The following DCC variants were observed in gnomAD, a reference collection of about 807,000 sequenced individuals.
DCC encodes DCC netrin 1 receptor.
Under a neutral mutation model 172.5 loss-of-function variants are expected in DCC, and 58 were observed. The ratio of observed to expected loss-of-function variants is 0.34; its 90% confidence interval spans 0.27 to 0.42. DCC has a LOEUF of 0.42. Among genes scored for constraint, DCC ranks in the 10% least tolerant of loss-of-function variants. The pLI, the probability that DCC is intolerant of heterozygous loss-of-function variation, is 1.00. For synonymous variants in DCC, 709 were observed against 644.5 expected (o/e 1.10, Z -1.52); for missense variants, 1,740 against 1,791.0 (o/e 0.97, Z 0.51).
chr18:53,530,360 G>A (rs2046511945), intron 28 of DCC: 1 of 703,242 alleles, frequency 1.4e-6, no homozygotes, highest in Non-Finnish European at 2.6e-6. Flanking sequence ...GAGATGGAGT[G>A]GGTGAAACAA....
chr18:52,969,643 C>G (rs2040997427), intron 5 of DCC, among the ~76,000 whole-genome samples: 1 of 149,748 alleles, frequency 6.7e-6, no homozygotes, highest in Non-Finnish European at 1.5e-5. Context: ...CTCTGTGTCT[C>G]TCTCTCTCTT....
At chr18:52,723,329 A>G (rs562351193) in intron 1 of DCC, among the ~76,000 whole-genome samples, 2 of 152,222 alleles carry the variant, frequency 1.3e-5, no homozygotes, top group African/African-American at 4.8e-5. Context: ...CAACACAAAA[A>G]CCATTCAGAC....
chr18:53,042,824 G>A (rs780506287), intron 5 of DCC, among the ~76,000 whole-genome samples: 9 of 151,926 alleles, frequency 5.9e-5, no homozygotes, highest in Non-Finnish European at 1.0e-4. Context: ...TGCTGGAGAA[G>A]ATGTGGAGAA....
chr18:52,806,146 T>C (rs2038079660), intron 2 of DCC, among the ~76,000 whole-genome samples: 1 of 152,246 alleles, frequency 6.6e-6, no homozygotes, highest in Non-Finnish European at 1.5e-5. Context: ...ATCATTTCTG[T>C]ATCTTATTTG....
rs960770291 is a variant in DCC at position 53,421,956 on chromosome 18, GAGAC to G, written c.3163+5804_3163+5807del. On this transcript the variant is annotated intron_variant, in intron 21 of 28. Coordinates refer to ENST00000442544, the MANE Select transcript of DCC (RefSeq NM_005215.4). ...TAGCACCCTTACAGATGTAGAAAAA[GAGAC>G]AGAGAGGTTAAAACTTGCCCAAACA... is the stretch of plus-strand genomic sequence containing the variant. Among the ~76,000 whole-genome samples, 11 of 152,270 alleles carry G rather than the reference GAGAC, an allele frequency of 7.2e-5. 1 individual carries two copies. The highest frequency in any genetic ancestry group is 2.6e-4 in the African/African-American group (11 of 41,554).
chr18:53,090,718 A>AAAAAAAAAAAAAAAAAC (rs2042993367), intron 7 of DCC, among the ~76,000 whole-genome samples: 2 of 131,842 alleles, frequency 1.5e-5, no homozygotes, highest in African/African-American at 2.9e-5. Context: ...AAAAAAAAAA[A>AAAAAAAAAAAAAAAAAC]AAAAAAAAAA....
chr18:53,103,258 A>G (rs896552358), intron 7 of DCC, among the ~76,000 whole-genome samples: 2 of 152,116 alleles, frequency 1.3e-5, no homozygotes, highest in African/African-American at 4.8e-5. Context: ...GAACCAGGGT[A>G]CATACTCTGT....
intron 21 of DCC, among the ~76,000 whole-genome samples, chr18:53,421,094 C>T (rs762650621): frequency 1.3e-5 from 2 of 152,162 alleles, no homozygotes; most frequent in Non-Finnish European, 2.9e-5. Flanking sequence ...TGGAGGTTAG[C>T]TGTAACTCTG....
intron 1 of DCC, among the ~76,000 whole-genome samples, chr18:52,476,421 C>T (rs746453369): frequency 5.9e-5 from 9 of 152,066 alleles, no homozygotes; most frequent in Non-Finnish European, 1.2e-4. Context: ...CTGTCTGAGC[C>T]GAAGGCAGTA....
chr18:53,228,087 A>G (rs2056063199), intron 12 of DCC, among the ~76,000 whole-genome samples: 1 of 152,174 alleles, frequency 6.6e-6, no homozygotes, highest in African/African-American at 2.4e-5. Context: ...CTACAGTATC[A>G]ACATGTATTT....
intron 1 of DCC, among the ~76,000 whole-genome samples, chr18:52,599,304 C>T (rs554455728): frequency 8.5e-5 from 13 of 152,054 alleles, no homozygotes; most frequent in Middle Eastern, 6.8e-3. Context: ...AACCAGGGGT[C>T]GAAAAACCTT....
intron 1 of DCC, among the ~76,000 whole-genome samples, chr18:52,670,115 G>A (rs544021044): frequency 6.6e-6 from 1 of 152,342 alleles, no homozygotes; most frequent in East Asian, 1.9e-4. Flanking sequence ...TGGACAAAAT[G>A]ACCAAGATGA....
At chr18:53,075,296 A>C (rs1248949869) in intron 7 of DCC, among the ~76,000 whole-genome samples, 1 of 152,206 alleles carries the variant, frequency 6.6e-6, no homozygotes, top group Admixed American at 6.5e-5. Flanking sequence ...GAGGTTTCTC[A>C]GCAAATAAAG....
chr18:52,706,269 T>C (rs1415567852), intron 1 of DCC, among the ~76,000 whole-genome samples: 1 of 152,224 alleles, frequency 6.6e-6, no homozygotes, highest in African/African-American at 2.4e-5. Context: ...AGCCAGATAT[T>C]TCTGGGTCAG....
intron 5 of DCC, among the ~76,000 whole-genome samples, chr18:52,990,553 A>C (rs112579190): frequency 0.16 from 24,197 of 147,026 alleles, 2,831 homozygotes; most frequent in African/African-American, 0.26. Context: ...AAAAAAAAAA[A>C]AAAAAAAAAA....
intron 1 of DCC, among the ~76,000 whole-genome samples, chr18:52,577,887 G>C (rs1365317152): frequency 2.0e-5 from 3 of 152,228 alleles, no homozygotes; most frequent in Non-Finnish European, 4.4e-5. Flanking sequence ...TAGTTGGACA[G>C]CGATTTAGTG....
chr18:53,089,796 A>T (rs2042976591), intron 7 of DCC, among the ~76,000 whole-genome samples: 1 of 152,172 alleles, frequency 6.6e-6, no homozygotes, highest in Non-Finnish European at 1.5e-5. Flanking sequence ...TTGTTTCATT[A>T]TCTCAATTTT....
intron 23 of DCC, among the ~76,000 whole-genome samples, chr18:53,451,501 C>T (rs1215328818): frequency 5.3e-5 from 8 of 152,168 alleles, no homozygotes; most frequent in Non-Finnish European, 1.2e-4. Flanking sequence ...CAGCTACACT[C>T]TCTCACTGAG....
intron 1 of DCC, among the ~76,000 whole-genome samples, chr18:52,549,278 T>C (rs940428919): frequency 1.3e-5 from 2 of 152,054 alleles, no homozygotes; most frequent in African/African-American, 4.8e-5. Flanking sequence ...AGACACCCTG[T>C]GTACACTGGA....
Sources: gnomAD v4.1 joint callset for allele counts (sites outside exome capture counted in the v4.1 genomes callset) on GRCh38, gnomAD v4.1.1 for gene constraint, MANE v1.5 for transcripts, NCBI Gene and HGNC (gene_info 2026-07-23, HGNC 2026-07-21) for gene names.